CLDN10: variants seen among roughly 807,000 people sequenced by gnomAD.
CLDN10 encodes claudin 10, also known as claudin-10.
Under a neutral mutation model 22.9 loss-of-function variants are expected in CLDN10, and 15 were observed. The observed-to-expected ratio is 0.65, with a 90% CI of 0.44 to 1.01. The LOEUF (loss-of-function observed/expected upper bound fraction) is 1.01, where lower values mean the gene tolerates loss of function less well. Ranked by LOEUF, CLDN10 falls within the 50% of genes least tolerant of loss-of-function variation. The pLI is 0.00. For missense variants in CLDN10, 247 were observed against 287.8 expected (o/e 0.86, Z 1.03); for synonymous variants, 114 against 111.4 (o/e 1.02, Z -0.15).
At chr13:95,450,034 G>A (rs1015587264) in intron 1 of CLDN10, among the ~76,000 whole-genome samples, 15 of 151,906 alleles carry the variant, frequency 9.9e-5, no homozygotes, top group African/African-American at 3.4e-4. Flanking sequence ...GAGCCACCAC[G>A]CCCGGCCTTA....
At chr13:95,523,367 A>G (rs1051052850) in intron 1 of CLDN10, among the ~76,000 whole-genome samples, 1 of 152,152 alleles carries the variant, frequency 6.6e-6, no homozygotes, top group Non-Finnish European at 1.5e-5. Flanking sequence ...TTAATTCTAT[A>G]TGTATTTTAA....
At chr13:95,540,113 A>G (rs2043443648) in intron 1 of CLDN10, among the ~76,000 whole-genome samples, 1 of 152,064 alleles carries the variant, frequency 6.6e-6, no homozygotes, top group African/African-American at 2.4e-5. Flanking sequence ...CAGCCTGGCC[A>G]ATATGATGAA....
chr13:95,556,843 G>C (rs1428708329), intron 1 of CLDN10, among the ~76,000 whole-genome samples: 2 of 152,240 alleles, frequency 1.3e-5, no homozygotes, highest in African/African-American at 4.8e-5. Context: ...CCAAGTGGAT[G>C]TTTTCGTTTT....
intron 3 of CLDN10, among the ~76,000 whole-genome samples, chr13:95,565,818 C>T (rs1302641357): frequency 4.0e-5 from 6 of 149,858 alleles, no homozygotes; most frequent in Non-Finnish European, 8.9e-5. Context: ...ATGTTCCCCA[C>T]CTTGTGTCCA....
At chr13:95,448,779 G>A (rs973153836) in intron 1 of CLDN10, among the ~76,000 whole-genome samples, 1 of 132,910 alleles carries the variant, frequency 7.5e-6, no homozygotes, top group Non-Finnish European at 1.7e-5. Flanking sequence ...TCTCTCTCTC[G>A]CCCAGTTTGG....
intron 3 of CLDN10, among the ~76,000 whole-genome samples, chr13:95,562,950 T>G (rs2138663556): frequency 6.6e-6 from 1 of 152,324 alleles, no homozygotes; most frequent in South Asian, 2.1e-4. Flanking sequence ...TTGGAATTTC[T>G]TATTCTCTTT....
upstream of CLDN10, among the ~76,000 whole-genome samples, chr13:95,552,069 C>T (rs544677155): frequency 2.6e-5 from 4 of 152,326 alleles, no homozygotes; most frequent in South Asian, 8.3e-4. Flanking sequence ...GCCCCATCTG[C>T]TGCTATCTTG....
chr13:95,563,209 GGAGAGAGA>G (rs71764554), intron 3 of CLDN10, among the ~76,000 whole-genome samples: 33 of 147,630 alleles, frequency 2.2e-4, no homozygotes, highest in East Asian at 1.0e-3. Context: ...AGTTAAGAGA[GGAGAGAGA>G]GAGAGAGAGA....
chr13:95,489,170 A>G (rs922524133), intron 1 of CLDN10, among the ~76,000 whole-genome samples: 1 of 151,632 alleles, frequency 6.6e-6, no homozygotes, highest in Non-Finnish European at 1.5e-5. Flanking sequence ...GCTTGTCTTG[A>G]ACTCCTGACC....
intron 1 of CLDN10, among the ~76,000 whole-genome samples, chr13:95,511,261 T>C (rs2043094737): frequency 6.6e-6 from 1 of 152,140 alleles, no homozygotes; most frequent in Non-Finnish European, 1.5e-5. Context: ...TAGTATCATT[T>C]ATCCAAGCCA....
chr13:95,449,443 G>T (rs1297813101), intron 1 of CLDN10, among the ~76,000 whole-genome samples: 2 of 151,904 alleles, frequency 1.3e-5, no homozygotes, highest in African/African-American at 4.8e-5. Context: ...TAGAGATGGG[G>T]TTTCACCATG....
chr13:95,460,365 C>G (rs2042523941), intron 1 of CLDN10, among the ~76,000 whole-genome samples: 2 of 152,156 alleles, frequency 1.3e-5, no homozygotes, highest in African/African-American at 4.8e-5. Flanking sequence ...AGTCCATTCT[C>G]ACATTGCTAT....
intron 1 of CLDN10, among the ~76,000 whole-genome samples, chr13:95,463,328 GCCT>G (rs1566283004): frequency 3.3e-5 from 1 of 30,718 alleles, no homozygotes; most frequent in Non-Finnish European, 7.0e-5. Flanking sequence ...ATATATATTT[GCCT>G]TTTTTTTTTT....
intron 1 of CLDN10, among the ~76,000 whole-genome samples, chr13:95,495,743 C>CAAAAAAAAAAA (rs71722865): frequency 4.7e-5 from 4 of 85,702 alleles, no homozygotes; most frequent in Admixed American, 1.4e-4. Flanking sequence ...GACTCCACCT[C>CAAAAAAAAAAA]AAAAAAAAAA....
chr13:95,544,437 G>T lies in CLDN10; in HGVS notation c.215-15695G>T, dbSNP rs951188551. On this transcript the variant is annotated intron_variant, in intron 1 of 4. Coordinates refer to the CLDN10 transcript ENST00000376873. ...ATGTTTGTTTGTCAGAAAGATTTAT[G>T]CCAGAAATCCTAGAGGTGTGGCAGT... is the stretch of plus-strand genomic sequence containing the variant. 2.6e-5 allele frequency among the ~76,000 whole-genome samples: 4 copies of T among 152,326 alleles called. No homozygotes were observed. In the East Asian group the frequency reaches 7.7e-4, roughly 29 times the overall value.
At chr13:95,538,211 C>G (rs1436512380) in intron 1 of CLDN10, among the ~76,000 whole-genome samples, 1 of 127,178 alleles carries the variant, frequency 7.9e-6, no homozygotes, top group East Asian at 2.5e-4. Context: ...TCTTGGCTCA[C>G]TGCAACCTCT....
At chr13:95,570,858 G>GTATATATATATATATA (rs55861640) in intron 3 of CLDN10, among the ~76,000 whole-genome samples, 2,448 of 119,244 alleles carry the variant, frequency 0.021, 64 homozygotes, top group Non-Finnish European at 0.024. Context: ...ATATACGTGT[G>GTATATATATATATATA]TATATATATA....
At chr13:95,538,239 G>A (rs903843778) in intron 1 of CLDN10, among the ~76,000 whole-genome samples, 1 of 129,004 alleles carries the variant, frequency 7.8e-6, no homozygotes, top group East Asian at 2.4e-4. Context: ...GGGTTGAGGC[G>A]ATTCTCCTGC....
At chr13:95,503,751 A>G (rs1282245663) in intron 1 of CLDN10, among the ~76,000 whole-genome samples, 3 of 152,212 alleles carry the variant, frequency 2.0e-5, no homozygotes, top group African/African-American at 4.8e-5. Context: ...AAAGAAACAA[A>G]TGCTGTATAA....
Sources: gnomAD v4.1 joint callset for allele counts (sites outside exome capture counted in the v4.1 genomes callset) on GRCh38, gnomAD v4.1.1 for gene constraint, MANE v1.5 for transcripts, NCBI Gene and HGNC (gene_info 2026-07-23, HGNC 2026-07-21) for gene names.